Variants in CCDC22 observed in about 807,000 individuals in gnomAD.
CCDC22 encodes the protein coiled-coil domain-containing protein 22.
A neutral mutation model predicts 53.1 loss-of-function variants in CCDC22; 4 were observed. The observed-to-expected ratio is 0.08, with a 90% CI of 0.04 to 0.17. The LOEUF is 0.17. Among genes scored for constraint, CCDC22 ranks in the 10% least tolerant of loss-of-function variants. The probability of loss-of-function intolerance (pLI) is 1.00; values close to 1 mark genes in which losing one functional copy is unlikely to be tolerated. For missense variants in CCDC22, 458 were observed against 554.0 expected, an observed-to-expected ratio of 0.83 and a Z score of 1.74; for synonymous variants, 222 against 224.4, an observed-to-expected ratio of 0.99 and a Z score of 0.10.
chrX:49,246,863 G>C lies in CCDC22; in HGVS notation c.847G>C (p.Ala283Pro). Residue 283 changes from alanine (A) to proline (P), a missense_variant, in exon 7 of 17, where the codon GCC (alanine) becomes CCC (proline). Around this residue, in one of 4 missense-constraint regions of CCDC22, gnomAD observed 309 missense variants for 312.3 expected, o/e 0.99. Coordinates refer to ENST00000376227, the MANE Select transcript of CCDC22 (RefSeq NM_014008.5). The stretch of plus-strand genomic sequence containing the variant: ...ACTGCTGCAGGCCTGGGGTGCTGGG[G>C]CCAAGACTGGTGCTCCTAAGGGCTC... ...GELLQAWGAG[A>P]KTGAPKGSRF... The C allele has an allele frequency of 8.3e-7, 1 of 1,202,211 alleles. No individual in the cohort carries two copies. Among genetic ancestry groups the C allele is most frequent in the Non-Finnish European group, 1.1e-6 (1 of 890,555 alleles).
At chrX:49,247,031 C>T (rs2065994045) in intron 7 of CCDC22, 106 bp downstream of exon 7, 1 of 721,551 alleles carries the variant, frequency 1.4e-6, no homozygotes, top group East Asian at 3.5e-5. Flanking sequence ...CCTGTGTTCC[C>T]ACTGGACAGG....
At chrX:49,247,471 G>T in intron 7 of CCDC22, 25 bp from the exon 8 acceptor site, 1 of 1,178,223 alleles carries the variant, frequency 8.5e-7, no homozygotes, top group Non-Finnish European at 1.1e-6. Flanking sequence ...CTGGCAGCCA[G>T]GATGCCCCTC....
chrX:49,250,467 C>G lies in CCDC22; in HGVS notation c.*206C>G, dbSNP rs181219991. 24 of 497,360 alleles carry G rather than the reference C, an allele frequency of 4.8e-5. No homozygotes were observed. The highest frequency in any genetic ancestry group is 4.4e-4 in the African/African-American group (19 of 43,087). 41.0% of individuals were successfully genotyped at this position (497,360 alleles called of 1,213,427 possible). On this transcript the variant is annotated 3_prime_UTR_variant, in exon 17 of 17. Transcript: ENST00000376227. ...GAGCTCGGCTGCAGTTTATTGGGGA[C>G]GGTACTGTGGGTTGGGGGCCTTGGA...
Position 49,237,245 on chromosome X carries a change from C to G in CCDC22, c.210C>G (p.Ser70Arg). ...AMSARFRLAM[S>R]LAQACMDLGY... ...CTGCCCGGTTCCGCCTGGCCATGAGCCTGGCTCAGGCCTGCATGGTGAGTG... is the reference window on the plus strand; with the variant it reads ...CTGCCCGGTTCCGCCTGGCCATGAGGCTGGCTCAGGCCTGCATGGTGAGTG... Residue 70 changes from serine to arginine, a missense_variant, in exon 2 of 17, where the codon AGC becomes AGG. This residue lies in a region of CCDC22 where 55 missense variants were observed against 106.0 expected (regional missense o/e 0.52). Coordinates refer to ENST00000376227, the MANE Select transcript of CCDC22 (RefSeq NM_014008.5). The G allele has an allele frequency of 8.3e-7, 1 of 1,209,265 alleles. No homozygotes were observed. Among genetic ancestry groups the G allele is most frequent in the African/African-American group, 1.7e-5 (1 of 58,025 alleles).
intron 2 of CCDC22, among the ~76,000 whole-genome samples, chrX:49,240,617 G>C (rs1364573096): frequency 8.9e-6 from 1 of 111,872 alleles, no homozygotes; most frequent in Non-Finnish European, 1.9e-5. Context: ...TTTATCAGCA[G>C]CAGGCAAAAG....
rs781992822 is a variant in CCDC22, at chrX:49,246,819, A to G, written c.803A>G (p.Gln268Arg). 1.3e-5 allele frequency: 15 copies of G among 1,198,096 alleles called. No homozygotes were observed. Among genetic ancestry groups the G allele is most frequent in the Admixed American group, 2.2e-5 (1 of 44,914 alleles). ...TGGGGCCTGCTTGGGGCCCCCATAC[A>G]AGCCCGGGACCTGGGAGAACTGCTG... ...QSWGLLGAPI[Q>R]ARDLGELLQA... The change falls in exon 7 of 17, where the codon CAA (glutamine) becomes CGA (arginine). Residue 268 changes from glutamine to arginine, a missense_variant. Gln to Arg is a conservative substitution (Grantham distance 43). Coordinates refer to ENST00000376227, the MANE Select transcript of CCDC22 (RefSeq NM_014008.5).
Position 49,246,934 on chromosome X carries a change from G to A in CCDC22, c.909+9G>A, listed in dbSNP as rs1557114309. 3.4e-6 allele frequency: 4 copies of A among 1,176,376 alleles called. No individual in the cohort carries two copies. The highest frequency in any genetic ancestry group is 3.4e-6 in the Non-Finnish European group (3 of 873,789). ...AGTTCACCTTCCATCTGGTGGGTGCGCCTGAGGACATGAGATGTGTGGATG... is the reference window on the plus strand; with the variant it reads ...AGTTCACCTTCCATCTGGTGGGTGCACCTGAGGACATGAGATGTGTGGATG... On this transcript the variant is annotated intron_variant, in intron 7 of 16. Coordinates refer to ENST00000376227, the MANE Select transcript of CCDC22 (RefSeq NM_014008.5).
intron 2 of CCDC22, among the ~76,000 whole-genome samples, chrX:49,241,459 C>A (rs1557113342): frequency 1.0e-5 from 1 of 98,961 alleles, no homozygotes; most frequent in African/African-American, 3.7e-5. Context: ...TGCACTCCAG[C>A]CTGAGCGACA....
intron 2 of CCDC22, 40 bp from the exon 3 acceptor site, chrX:49,241,976 G>A: frequency 8.3e-7 from 1 of 1,202,512 alleles, no homozygotes; most frequent in Non-Finnish European, 1.1e-6. Flanking sequence ...AGGGCAGGAG[G>A]ACCCTGCCTG....
At chrX:49,245,681 G>C (rs1234800147) in intron 6 of CCDC22, among the ~76,000 whole-genome samples, 1 of 112,493 alleles carries the variant, frequency 8.9e-6, no homozygotes, top group Non-Finnish European at 1.9e-5. Flanking sequence ...GTCTGTCTTT[G>C]TTTTTATATC....
Position 49,235,672 on chromosome X carries a change from G to A in CCDC22, c.36G>A (p.Leu12=), listed in dbSNP as rs782065573. 8.4e-7 allele frequency: 1 copy of A among 1,183,735 alleles called. No homozygotes were observed. The highest frequency in any genetic ancestry group is 1.9e-5 in the South Asian group (1 of 53,579). The stretch of plus-strand genomic sequence containing the variant: ...CGGACCGAATCCTCATCCATTCGCT[G>A]CGCCAGGCCGGCACGTAAGGACAGA... ...EEADRILIHS[L]RQAGTAVPPD... Residue 12 remains leucine (L), a synonymous_variant, in exon 1 of 17, where the codon CTG becomes CTA. Transcript: ENST00000376227.
chrX:49,238,347 G>A (rs2065948206), intron 2 of CCDC22, among the ~76,000 whole-genome samples: 1 of 111,332 alleles, frequency 9.0e-6, no homozygotes, highest in African/African-American at 3.3e-5. Flanking sequence ...CCAAAGTGCT[G>A]AGATTACAGG....
In CCDC22 at chrX:49,249,705, G is replaced by A; in HGVS notation, c.1750G>A (p.Val584Ile). The A allele has an allele frequency of 8.3e-7, 1 of 1,209,325 alleles. No individual in the cohort carries two copies. The highest frequency in any genetic ancestry group is 1.1e-6 in the Non-Finnish European group (1 of 894,485). ...IEDTGTIMRE[V>I]RDLEEQIETE... ...GGACACAGGCACCATCATGCGGGAG[G>A]TTCGAGACCTCGAGGAGCAGGTGAG... Residue 584 changes from valine to isoleucine, a missense_variant, in exon 16 of 17, where the codon GTT (valine) becomes ATT (isoleucine). Physicochemically the swap from Val to Ile is conservative, Grantham distance 29. Around this residue, in one of 4 missense-constraint regions of CCDC22, gnomAD observed 46 missense variants for 52.3 expected, o/e 0.88. Transcript: ENST00000376227.
At chrX:49,236,113 C>T (rs1569529099) in intron 1 of CCDC22, among the ~76,000 whole-genome samples, 2 of 108,984 alleles carry the variant, frequency 1.8e-5, no homozygotes, top group Non-Finnish European at 3.8e-5. Flanking sequence ...CCCTGGCACT[C>T]GGGGACTCCA....
In CCDC22 at chrX:49,250,514, C is replaced by T. The variant is rs782009113; in HGVS notation, c.*253C>T. The T allele has an allele frequency of 8.6e-6, 4 of 467,227 alleles. No homozygotes were observed. The South Asian group carries it at 1.0e-4, about 12-fold the overall frequency. The allele number at this position is 467,227 out of a possible 1,213,427, so 38.5% of individuals were successfully genotyped here. The stretch of plus-strand genomic sequence containing the variant: ...TGGATCCCAAATAAATGAGTAGTTC[C>T]TCTGCAGTCTAAGCTGAGGCATGGA... On this transcript the variant is annotated 3_prime_UTR_variant, in exon 17 of 17. Transcript: ENST00000376227.
intron 6 of CCDC22, among the ~76,000 whole-genome samples, chrX:49,245,646 C>T (rs2065985564): frequency 8.9e-6 from 1 of 112,610 alleles, no homozygotes. Context: ...GTTGTGATTA[C>T]AGGCGTGAGC....
chrX:49,242,362 T>C, intron 3 of CCDC22: 1 of 746,145 alleles, frequency 1.3e-6, no homozygotes, highest in Non-Finnish European at 1.6e-6. Flanking sequence ...CGGTGGTGCG[T>C]TGGTGCGGGG....
At chrX:49,238,595 T>C (rs1359977379) in intron 2 of CCDC22, among the ~76,000 whole-genome samples, 3 of 112,731 alleles carry the variant, frequency 2.7e-5, no homozygotes, top group Non-Finnish European at 5.6e-5. Context: ...TTAAAAAATA[T>C]TTTAATTTTT....
chrX:49,246,621 TG>T, intron 6 of CCDC22, 109 bp from the exon 7 acceptor site: 1 of 614,320 alleles, frequency 1.6e-6, no homozygotes, highest in Non-Finnish European at 2.4e-6. Context: ...GGCTGGAGGG[TG>T]GGGGTGACTT....
Sources: gnomAD v4.1 joint callset for allele counts (sites outside exome capture counted in the v4.1 genomes callset) on GRCh38, gnomAD v4.1.1 for gene constraint, gnomAD v4.1.1 regional missense constraint, MANE v1.5 for transcripts, NCBI Gene and HGNC (gene_info 2026-07-23, HGNC 2026-07-21) for gene names.